PRKG1: variants seen among roughly 807,000 people sequenced by gnomAD.
PRKG1 encodes protein kinase cGMP-dependent 1, also known as cGMP-dependent protein kinase 1.
In PRKG1, 35 loss-of-function variants were observed where a neutral mutation model predicts 88.1. The ratio of observed to expected loss-of-function variants is 0.40; its 90% CI spans 0.30 to 0.53. The LOEUF (loss-of-function observed/expected upper bound fraction) is 0.53. Ranked by LOEUF, PRKG1 falls within the 20% of genes least tolerant of loss-of-function variation. PRKG1 has a pLI of 0.59. For synonymous variants in PRKG1, 303 were observed against 292.5 expected (o/e 1.04, Z -0.37); for missense variants, 540 against 839.8 (o/e 0.64, Z 4.41).
chr10:51,669,693 A>C (rs1478260351), intron 3 of PRKG1, among the ~76,000 whole-genome samples: 2 of 152,190 alleles, frequency 1.3e-5, no homozygotes, highest in Non-Finnish European at 1.5e-5. Context: ...TTTTGCCCCC[A>C]GTTAACTTTT....
chr10:51,626,401 T>C (rs969341474), intron 3 of PRKG1, among the ~76,000 whole-genome samples: 3 of 152,238 alleles, frequency 2.0e-5, no homozygotes, highest in African/African-American at 7.2e-5. Context: ...AATGTGTGAC[T>C]ATTGTCTTTA....
At chr10:51,014,150 G>A (rs1843026859) in intron 1 of PRKG1, among the ~76,000 whole-genome samples, 1 of 152,196 alleles carries the variant, frequency 6.6e-6, no homozygotes, top group African/African-American at 2.4e-5. Flanking sequence ...CTCTATTGCT[G>A]TATCTGTATG....
In PRKG1 at chr10:51,282,036, T is replaced by C. The variant is rs373355669; in HGVS notation, c.478+128706T>C. Among the ~76,000 whole-genome samples the C allele has an allele frequency of 5.9e-5, 9 of 152,290 alleles. No individual in the cohort carries two copies. The East Asian group carries it at 9.6e-4, about 16-fold the overall frequency. ...GCTAGTTGCAAACTATTCTTCTAAA[T>C]GTTAGTAAGCAGAGTGTAAAGTGAT... is the stretch of plus-strand genomic sequence containing the variant. On this transcript the variant is annotated intron_variant, in intron 2 of 17. Transcript: ENST00000373980.
Position 50,991,679 on chromosome 10 carries a change from C to T in PRKG1, c.266+35C>T, listed in dbSNP as rs12221331. On this transcript the variant is annotated intron_variant, in intron 1 of 17. Transcript: ENST00000401604. The surrounding 1 kb of genome is among the most constrained non-coding windows in gnomAD (Gnocchi z 4.5). ...GAGGCCGTGGGCCCGGGCGCTCGTC[C>T]CGGCCCGCGGCGCAGAGGCTGGGGG... 680 of 1,407,958 alleles carry T rather than the reference C, an allele frequency of 4.8e-4. 7 individuals are homozygous for T. The East Asian group carries it at 0.019, about 39-fold the overall frequency. 87.2% of individuals were successfully genotyped at this position (1,407,958 alleles called of 1,614,324 possible).
At chr10:51,834,339 T>C (rs974524951) in intron 4 of PRKG1, among the ~76,000 whole-genome samples, 2 of 151,968 alleles carry the variant, frequency 1.3e-5, no homozygotes, top group African/African-American at 4.8e-5. Context: ...GGCCTAAATT[T>C]ATTGAAAGTA....
At chr10:51,162,179 A>T (rs1589210072) in intron 2 of PRKG1, among the ~76,000 whole-genome samples, 1 of 152,206 alleles carries the variant, frequency 6.6e-6, no homozygotes, top group Non-Finnish European at 1.5e-5. Flanking sequence ...CAGGACAGAT[A>T]GGAGCCACTT....
intron 1 of PRKG1, among the ~76,000 whole-genome samples, chr10:51,077,684 AG>A (rs1843992877): frequency 6.6e-6 from 1 of 152,214 alleles, no homozygotes; most frequent in Admixed American, 6.5e-5. Flanking sequence ...GCACTGAGCC[AG>A]GACACTCCTG....
rs540101938 is a variant in PRKG1 at position 51,197,978 on chromosome 10, C to T, written c.478+44648C>T. 2.1e-4 allele frequency among the ~76,000 whole-genome samples: 32 copies of T among 152,124 alleles called. No individual in the cohort carries two copies. The South Asian group carries it at 6.4e-3, about 31-fold the overall frequency. The stretch of plus-strand genomic sequence containing the variant: ...AGCCCAAGCTGCTTTAAGGAATCCT[C>T]TCAAATCTGTGGTGAAAGAGAAGAC... On this transcript the variant is annotated intron_variant, in intron 2 of 17. Coordinates refer to ENST00000373980, the MANE Select transcript of PRKG1 (RefSeq NM_006258.4).
chr10:51,912,593 G>C (rs532546973), intron 5 of PRKG1, among the ~76,000 whole-genome samples: 1 of 152,252 alleles, frequency 6.6e-6, no homozygotes, highest in South Asian at 2.1e-4. Context: ...CAGAGACTGA[G>C]AGAAACAAGT....
chr10:51,619,325 G>A (rs950603418), intron 3 of PRKG1, among the ~76,000 whole-genome samples: 1 of 152,156 alleles, frequency 6.6e-6, no homozygotes. Context: ...CAATCTTATG[G>A]ATTTCTGACT....
chr10:51,015,327 A>G (rs1185756655), intron 1 of PRKG1, among the ~76,000 whole-genome samples: 3 of 152,192 alleles, frequency 2.0e-5, no homozygotes, highest in African/African-American at 7.2e-5. Flanking sequence ...TACTATGTTC[A>G]AGATATTTTC....
intron 5 of PRKG1, chr10:51,909,394 A>G (rs1842164656): frequency 6.6e-6 from 1 of 152,206 alleles, no homozygotes; most frequent in Non-Finnish European, 1.5e-5. Context: ...GCCAACAATT[A>G]TTATAAAACC....
At chr10:52,177,009 T>A (rs1838884416) in intron 9 of PRKG1, among the ~76,000 whole-genome samples, 1 of 152,134 alleles carries the variant, frequency 6.6e-6, no homozygotes, top group Non-Finnish European at 1.5e-5. Context: ...GCCCTTTATT[T>A]GTTTCTCTTG....
chr10:51,708,870 T>C (rs539767609), intron 3 of PRKG1, among the ~76,000 whole-genome samples: 40 of 152,258 alleles, frequency 2.6e-4, no homozygotes, highest in Admixed American at 2.0e-3. Context: ...TTGAGGGGCT[T>C]GAGGGAGCAT....
intron 1 of PRKG1, among the ~76,000 whole-genome samples, chr10:51,084,888 T>G (rs1394245245): frequency 2.6e-5 from 4 of 152,334 alleles, no homozygotes; most frequent in African/African-American, 9.6e-5. Context: ...GAAACAATTG[T>G]ATTATGGTAA....
chr10:51,148,084 A>G (rs868701157), intron 1 of PRKG1, among the ~76,000 whole-genome samples: 28 of 152,182 alleles, frequency 1.8e-4, no homozygotes, highest in African/African-American at 5.3e-4. Context: ...TCTTATAGGT[A>G]TTAATCAAAT....
intron 7 of PRKG1, among the ~76,000 whole-genome samples, chr10:52,096,069 TCTG>T (rs1177479319): frequency 1.3e-5 from 2 of 152,128 alleles, no homozygotes; most frequent in African/African-American, 4.8e-5. Flanking sequence ...GGGAGCAACA[TCTG>T]TACTTAGAGG....
At chr10:51,159,444 A>G (rs183465640) in intron 2 of PRKG1, among the ~76,000 whole-genome samples, 1 of 152,300 alleles carries the variant, frequency 6.6e-6, no homozygotes, top group East Asian at 1.9e-4. Context: ...TTAAAGTTAT[A>G]CTTGCAATTC....
At chr10:51,610,430 C>T (rs899140075) in intron 3 of PRKG1, among the ~76,000 whole-genome samples, 1 of 152,252 alleles carries the variant, frequency 6.6e-6, no homozygotes, top group East Asian at 1.9e-4. Flanking sequence ...ACATAATGAC[C>T]TCTCTCCAGT....
Sources: gnomAD v4.1 joint callset for allele counts (sites outside exome capture counted in the v4.1 genomes callset) on GRCh38, gnomAD v4.1.1 for gene constraint, Gnocchi (gnomAD v3.1) non-coding constraint, MANE v1.5 for transcripts, NCBI Gene and HGNC (gene_info 2026-07-23, HGNC 2026-07-21) for gene names.